The following ARL15 variants were observed in gnomAD, a reference collection of about 807,000 sequenced individuals.
ARL15 encodes ARF like GTPase 15, also known as ADP-ribosylation factor-like protein 15.
A neutral mutation model predicts 25.2 loss-of-function variants in ARL15; 19 were observed. The ratio of observed to expected loss-of-function variants is 0.75; its 90% CI spans 0.53 to 1.10. The LOEUF is 1.10. Ranked by LOEUF, ARL15 falls within the 50% of genes least tolerant of loss-of-function variation. ARL15 has a pLI of 0.00. For synonymous variants in ARL15, 94 were observed against 86.8 expected (o/e 1.08, Z -0.46); for missense variants, 220 against 246.0 (o/e 0.89, Z 0.71).
intron 1 of ARL15, among the ~76,000 whole-genome samples, chr5:54,194,088 G>A (rs539895839): frequency 1.4e-3 from 212 of 152,184 alleles, no homozygotes; most frequent in Middle Eastern, 3.4e-3. Context: ...GAATTATTCC[G>A]ACTATTACTT....
intron 1 of ARL15, among the ~76,000 whole-genome samples, chr5:54,229,314 G>A (rs1756604864): frequency 6.6e-6 from 1 of 152,094 alleles, no homozygotes; most frequent in Admixed American, 6.6e-5. Flanking sequence ...GTTACAACAT[G>A]CACCTTGAGA....
chr5:54,021,498 G>A (rs901226812), intron 4 of ARL15, among the ~76,000 whole-genome samples: 5 of 152,074 alleles, frequency 3.3e-5, no homozygotes, highest in African/African-American at 1.2e-4. Flanking sequence ...GCTCAGTGAT[G>A]GACTCAATAA....
In ARL15 at chr5:54,117,394, C is replaced by CACACACAT. The variant is rs1189559281; in HGVS notation, c.254-3985_254-3984insATGTGTGT. Among the ~76,000 whole-genome samples the CACACACAT allele has an allele frequency of 4.3e-4, 65 of 151,636 alleles. 1 individual carries two copies. Among genetic ancestry groups the CACACACAT allele is most frequent in the Non-Finnish European group, 4.9e-4 (33 of 67,904 alleles). ...ATACACACACACACACACACACACA[C>CACACACAT]ACACACACACACAAACCCAAAGAGA... On this transcript the variant is annotated intron_variant, in intron 3 of 4. Transcript: ENST00000504924.
intron 3 of ARL15, among the ~76,000 whole-genome samples, chr5:54,134,399 T>A: frequency 6.6e-6 from 1 of 152,038 alleles, no homozygotes; most frequent in East Asian, 1.9e-4. Context: ...AATTCGTGGA[T>A]TTGTGCCAAC....
At chr5:54,076,137 C>A (rs1465784771) in intron 4 of ARL15, among the ~76,000 whole-genome samples, 1 of 152,014 alleles carries the variant, frequency 6.6e-6, no homozygotes, top group African/African-American at 2.4e-5. Context: ...ATAATATAGG[C>A]CAGGCGCGGT....
chr5:53,939,870 C>A (rs1461357166), intron 4 of ARL15, among the ~76,000 whole-genome samples: 1 of 151,192 alleles, frequency 6.6e-6, no homozygotes, highest in East Asian at 1.9e-4. Context: ...CTGATTCAAA[C>A]AAATATGAAC....
chr5:54,229,395 G>A (rs762394037), intron 1 of ARL15, among the ~76,000 whole-genome samples: 10 of 152,136 alleles, frequency 6.6e-5, no homozygotes, highest in Non-Finnish European at 1.5e-4. Context: ...ACACACTGTA[G>A]AAATCCTTCG....
chr5:54,308,329 T>C (rs1396824208), intron 1 of ARL15, among the ~76,000 whole-genome samples: 1 of 152,172 alleles, frequency 6.6e-6, no homozygotes, highest in African/African-American at 2.4e-5. Flanking sequence ...CTCCAAAGAG[T>C]AGCCACTGGC....
chr5:53,930,413 G>T (rs1230368864), intron 4 of ARL15, among the ~76,000 whole-genome samples: 2 of 152,110 alleles, frequency 1.3e-5, no homozygotes, highest in African/African-American at 4.8e-5. Flanking sequence ...AGAAGGAAAG[G>T]GTCACTTGAA....
chr5:54,226,169 A>G (rs116194818), intron 1 of ARL15, among the ~76,000 whole-genome samples: 8,643 of 152,258 alleles, frequency 0.057, 423 homozygotes, highest in Admixed American at 0.14. Context: ...GTGAGCCAAC[A>G]GCTGACACGG....
In ARL15 at chr5:54,052,711, GT is replaced by G. The variant is rs74878572; in HGVS notation, c.462+60490del. On this transcript the variant is annotated intron_variant, in intron 4 of 4. Coordinates refer to ENST00000504924, the MANE Select transcript of ARL15 (RefSeq NM_019087.3). ...TATACAGAGGATTACATATAAAAATGTTTTTATATGTATATACATGGGCCAG... is the reference window on the plus strand; with the variant it reads ...TATACAGAGGATTACATATAAAAATGTTTTATATGTATATACATGGGCCAG... Among the ~76,000 whole-genome samples the G allele has an allele frequency of 9.5e-4, 144 of 152,134 alleles. 1 individual carries two copies. In the East Asian group the frequency reaches 0.026, roughly 28 times the overall value.
At chr5:54,193,606 A>C (rs913928295) in intron 1 of ARL15, among the ~76,000 whole-genome samples, 3 of 152,112 alleles carry the variant, frequency 2.0e-5, no homozygotes, top group African/African-American at 7.2e-5. Flanking sequence ...ATCACCCTGA[A>C]TCCATCCCCT....
chr5:54,188,847 GCT>G (rs1312976491), intron 1 of ARL15, among the ~76,000 whole-genome samples: 1 of 152,070 alleles, frequency 6.6e-6, no homozygotes, highest in East Asian at 1.9e-4. Context: ...AAGGCCCACA[GCT>G]CTCTTTTTAA....
At chr5:54,010,218 C>G (rs1318076449) in intron 4 of ARL15, among the ~76,000 whole-genome samples, 1 of 152,138 alleles carries the variant, frequency 6.6e-6, no homozygotes, top group Non-Finnish European at 1.5e-5. Context: ...GCTAAACAAT[C>G]CATGCATAGT....
intron 1 of ARL15, among the ~76,000 whole-genome samples, chr5:54,189,914 T>C (rs1395822371): frequency 6.6e-6 from 1 of 152,196 alleles, no homozygotes; most frequent in Non-Finnish European, 1.5e-5. Flanking sequence ...TTTTAAATCA[T>C]ATCTCTAATA....
At chr5:54,138,444 G>A (rs1342734323) in intron 3 of ARL15, among the ~76,000 whole-genome samples, 2 of 152,084 alleles carry the variant, frequency 1.3e-5, no homozygotes, top group Non-Finnish European at 2.9e-5. Context: ...TTTAATAAAC[G>A]GTGCTGGAAA....
At chr5:54,110,676 G>A (rs1253647755) in intron 4 of ARL15, among the ~76,000 whole-genome samples, 1 of 152,022 alleles carries the variant, frequency 6.6e-6, no homozygotes, top group East Asian at 1.9e-4. Context: ...GGCACAGGAT[G>A]TGCAACACCT....
intron 2 of ARL15, 26 bp downstream of exon 2, chr5:54,171,758 G>T: frequency 6.3e-7 from 1 of 1,590,050 alleles, no homozygotes; most frequent in Non-Finnish European, 8.6e-7. Context: ...AAAGAAGAAG[G>T]GACAGAACCC....
intron 3 of ARL15, among the ~76,000 whole-genome samples, chr5:54,125,703 G>A (rs990772751): frequency 5.9e-5 from 9 of 152,146 alleles, no homozygotes; most frequent in African/African-American, 2.2e-4. Context: ...TGGAACTGCT[G>A]GGTCAAATGT....
Sources: gnomAD v4.1 joint callset for allele counts (sites outside exome capture counted in the v4.1 genomes callset) on GRCh38, gnomAD v4.1.1 for gene constraint, MANE v1.5 for transcripts, NCBI Gene and HGNC (gene_info 2026-07-23, HGNC 2026-07-21) for gene names.